The following AMN1 variants were observed in gnomAD, a reference collection of about 807,000 sequenced individuals.
AMN1 encodes the protein protein AMN1 homolog.
AMN1 carries 20 observed loss-of-function variants against 33.0 expected under a neutral mutation model. That is an observed-to-expected ratio of 0.61 (90% CI 0.43 to 0.88). The LOEUF is 0.88. AMN1 is among the 40% of genes least tolerant of loss of function. The pLI, the probability that AMN1 is intolerant of heterozygous loss-of-function variation, is 0.00. For missense variants in AMN1, 246 were observed against 307.4 expected (o/e 0.80, Z 1.49); for synonymous variants, 114 against 111.9 (o/e 1.02, Z -0.12).
chr12:31,711,055 G>A (rs1388435961), intron 1 of AMN1, among the ~76,000 whole-genome samples: 3 of 151,996 alleles, frequency 2.0e-5, no homozygotes, highest in East Asian at 1.9e-4. Context: ...GACTATAGGC[G>A]TGTGCCACCA....
intron 1 of AMN1, among the ~76,000 whole-genome samples, chr12:31,713,387 GTCT>G (rs1252669946): frequency 2.0e-5 from 3 of 152,008 alleles, no homozygotes; most frequent in African/African-American, 4.8e-5. Context: ...TTAAAATCAA[GTCT>G]TCTTTTCATT....
At position 31,709,284 on chromosome 12, in the gene AMN1, T is replaced by C; in HGVS notation, c.171+9A>G. ...AATATGCTTGCTTTACAGTTATTCA[T>C]ACTCTTACCTCACTTATATTTGAAT... On this transcript the variant is annotated intron_variant, in intron 2 of 6. Coordinates refer to ENST00000281471, the MANE Select transcript of AMN1 (RefSeq NM_001113402.2). 1 of 1,612,644 alleles carries C rather than the reference T, an allele frequency of 6.2e-7. No individual in the cohort carries two copies. Among genetic ancestry groups the C allele is most frequent in the South Asian group, 1.1e-5 (1 of 90,928 alleles).
chr12:31,688,035 A>G (rs1352968892), intron 6 of AMN1, among the ~76,000 whole-genome samples: 1 of 151,744 alleles, frequency 6.6e-6, no homozygotes, highest in Non-Finnish European at 1.5e-5. Flanking sequence ...GCTCACTGCA[A>G]CCTCCACCTC....
At chr12:31,701,836 C>T in intron 3 of AMN1, 27 bp downstream of exon 3, 1 of 1,563,510 alleles carries the variant, frequency 6.4e-7, no homozygotes, top group Non-Finnish European at 8.6e-7. Flanking sequence ...AGTAATCTAC[C>T]AATGTACTCA....
In AMN1 at chr12:31,689,019, G is replaced by T; in HGVS notation, c.691C>A (p.Pro231Thr). ...QIRILLFHGC[P>T]LITDHSREVL... ...CTATTGCACTAACCTGTTATCAAGG[G>T]GCATCCATGGAAGAGTAATATACGT... is the stretch of plus-strand genomic sequence containing the variant. Residue 231 changes from proline to threonine, a missense_variant, in exon 6 of 7, where the codon CCC (proline) becomes ACC (threonine). By Grantham distance (38) the Pro-to-Thr change is conservative. Transcript: ENST00000281471. 6.2e-7 allele frequency: 1 copy of T among 1,610,314 alleles called. No homozygotes were observed. Among genetic ancestry groups the T allele is most frequent in the East Asian group, 2.2e-5 (1 of 44,808 alleles).
chr12:31,713,574 C>T (rs910174115), intron 1 of AMN1, among the ~76,000 whole-genome samples: 2 of 152,190 alleles, frequency 1.3e-5, no homozygotes, highest in African/African-American at 4.8e-5. Context: ...AGCATGGTGG[C>T]TTATGTCTAT....
chr12:31,711,848 C>G (rs941577278), intron 1 of AMN1, among the ~76,000 whole-genome samples: 1 of 152,190 alleles, frequency 6.6e-6, no homozygotes, highest in African/African-American at 2.4e-5. Flanking sequence ...CAACCTCTCT[C>G]TATGCCGCCA....
At position 31,697,966 on chromosome 12, in the gene AMN1, A is replaced by G. The variant is rs533621606; in HGVS notation, c.317-9T>C. On this transcript the variant is annotated splice_polypyrimidine_tract_variant and intron_variant, in intron 3 of 6. Coordinates refer to ENST00000281471, the MANE Select transcript of AMN1 (RefSeq NM_001113402.2). ...AGCCACAGCTTTTATTCCTGGGGGA[A>G]AATATAATTATATATCAATGAGCTA... The G allele has an allele frequency of 1.2e-6, 2 of 1,612,604 alleles. No homozygotes were observed. The highest frequency in any genetic ancestry group is 2.2e-5 in the East Asian group (1 of 44,874).
chr12:31,717,389 A>C (rs2055691762), intron 1 of AMN1, among the ~76,000 whole-genome samples: 1 of 152,212 alleles, frequency 6.6e-6, no homozygotes, highest in African/African-American at 2.4e-5. Flanking sequence ...GCTATTGTGA[A>C]TAGTGCTGCA....
At chr12:31,706,009 C>T (rs1939219395) in intron 2 of AMN1, among the ~76,000 whole-genome samples, 1 of 152,016 alleles carries the variant, frequency 6.6e-6, no homozygotes, top group African/African-American at 2.4e-5. Context: ...TTCATATTTT[C>T]TCTAATAAAT....
At chr12:31,711,565 G>C (rs1416208981) in intron 1 of AMN1, among the ~76,000 whole-genome samples, 1 of 151,958 alleles carries the variant, frequency 6.6e-6, no homozygotes, top group Non-Finnish European at 1.5e-5. Flanking sequence ...CATATCCTTT[G>C]CCTGTTTTGT....
chr12:31,729,163 A>C, upstream of AMN1: 2 of 799,986 alleles, frequency 2.5e-6, no homozygotes, highest in Non-Finnish European at 3.8e-6. Context: ...TTCGGACTCC[A>C]CAAGGAAAGA....
At chr12:31,675,839 T>TAGAG (rs1343973219) in intron 6 of AMN1, among the ~76,000 whole-genome samples, 1 of 151,180 alleles carries the variant, frequency 6.6e-6, no homozygotes, top group Non-Finnish European at 1.5e-5. Flanking sequence ...CTATCCAACA[T>TAGAG]AGAAATGGCA....
At chr12:31,692,462 AAC>A (rs1161040667) in intron 5 of AMN1, among the ~76,000 whole-genome samples, 1 of 151,532 alleles carries the variant, frequency 6.6e-6, no homozygotes, top group African/African-American at 2.4e-5. Context: ...AAAAAAAAAA[AAC>A]AAACGAAAAA....
At chr12:31,701,508 T>G (rs1939000346) in intron 3 of AMN1, among the ~76,000 whole-genome samples, 1 of 152,038 alleles carries the variant, frequency 6.6e-6, no homozygotes, top group South Asian at 2.1e-4. Flanking sequence ...GGGCGGTCCA[T>G]CATGCTGGCC....
chr12:31,703,833 AG>A (rs1228908506), intron 2 of AMN1, among the ~76,000 whole-genome samples: 1 of 152,200 alleles, frequency 6.6e-6, no homozygotes, highest in African/African-American at 2.4e-5. Context: ...AGGTTGCTTT[AG>A]GTAGGCAATA....
At chr12:31,675,702 G>C (rs1313075684) in intron 6 of AMN1, among the ~76,000 whole-genome samples, 1 of 151,608 alleles carries the variant, frequency 6.6e-6, no homozygotes, top group Admixed American at 6.6e-5. Flanking sequence ...AACCATGCTG[G>C]CCAGGCTGGT....
chr12:31,717,442 A>C (rs572980809), intron 1 of AMN1, among the ~76,000 whole-genome samples: 11 of 152,348 alleles, frequency 7.2e-5, no homozygotes, highest in African/African-American at 2.4e-4. Flanking sequence ...TTGTAATAGA[A>C]TCATTTATAT....
At chr12:31,726,264 C>T (rs1021523660) in intron 1 of AMN1, among the ~76,000 whole-genome samples, 9 of 151,240 alleles carry the variant, frequency 6.0e-5, no homozygotes, top group African/African-American at 1.7e-4. Flanking sequence ...CAGGTTCAAG[C>T]GATTCTCCCA....
Sources: gnomAD v4.1 joint callset for allele counts (sites outside exome capture counted in the v4.1 genomes callset) on GRCh38, gnomAD v4.1.1 for gene constraint, MANE v1.5 for transcripts, NCBI Gene and HGNC (gene_info 2026-07-23, HGNC 2026-07-21) for gene names.